NAV3: variants seen among roughly 807,000 people sequenced by gnomAD.
The protein encoded by NAV3 is pore membrane and/or filament interacting like protein 1.
NAV3 carries 87 observed loss-of-function variants against 244.7 expected under a neutral mutation model. The ratio of observed to expected loss-of-function variants is 0.36; its 90% CI spans 0.30 to 0.42. The LOEUF (loss-of-function observed/expected upper bound fraction) is 0.42. NAV3 is among the 20% of genes least tolerant of loss of function. The pLI is 1.00. For synonymous variants in NAV3, 1,126 were observed against 1,042.2 expected (o/e 1.08, Z -1.55); for missense variants, 2,663 against 2,893.3 (o/e 0.92, Z 1.83).
intron 9 of NAV3, among the ~76,000 whole-genome samples, chr12:78,023,286 T>C (rs1877466479): frequency 6.6e-6 from 1 of 152,182 alleles, no homozygotes; most frequent in South Asian, 2.1e-4. Flanking sequence ...TTGAATAGTC[T>C]GTATTTGATG....
rs191143601 is a variant in NAV3, at chr12:77,615,106, G to T, written c.72+42840G>T. Among the ~76,000 whole-genome samples, 318 of 152,114 alleles carry T rather than the reference G, an allele frequency of 2.1e-3. 1 individual carries two copies. Among genetic ancestry groups the T allele is most frequent in the African/African-American group, 7.3e-3 (303 of 41,502 alleles). ...ATAGGAGCAAGTAAATATTTCTTGG[G>T]TTTTTTGAAATATTTTAAAATGCAA... On this transcript the variant is annotated intron_variant, in intron 2 of 8. Coordinates refer to the NAV3 transcript ENST00000550042.
chr12:77,846,756 G>A lies in NAV3; in HGVS notation c.243+15052G>A, dbSNP rs1406127286. 3.9e-4 allele frequency among the ~76,000 whole-genome samples: 59 copies of A among 152,116 alleles called. 1 individual carries two copies. The highest frequency in any genetic ancestry group is 3.9e-3 in the Admixed American group (59 of 15,266). On this transcript the variant is annotated intron_variant, in intron 1 of 39. Transcript: ENST00000397909. ...AATGGGAAATGTCCTTTCTTTAACA[G>A]GAATTTTTCAAATTAGAAGTAGCTT...
At position 78,200,457 on chromosome 12, in the gene NAV3, AT is replaced by A. The variant is rs772295912; in HGVS notation, c.6716-13del. The stretch of plus-strand genomic sequence containing the variant: ...AATATAACTCTTAAAATATTTTGTT[AT>A]TTATTTCTTATCAGGTCCCCGACTA... On this transcript the variant is annotated splice_polypyrimidine_tract_variant and intron_variant, in intron 37 of 39. Transcript: ENST00000397909. The A allele has an allele frequency of 1.4e-6, 2 of 1,439,806 alleles. No homozygotes were observed. Among genetic ancestry groups the A allele is most frequent in the African/African-American group, 2.9e-5 (2 of 70,088 alleles). 89.2% of individuals were successfully genotyped at this position (1,439,806 alleles called of 1,614,324 possible). A position where few individuals can be genotyped will look rare whatever the true frequency, so the allele number is the denominator to read the frequency against.
intron 8 of NAV3, among the ~76,000 whole-genome samples, chr12:78,020,218 AAC>A (rs968457020): frequency 8.6e-4 from 131 of 152,270 alleles, no homozygotes; most frequent in African/African-American, 2.9e-3. Flanking sequence ...GAAAATGGGA[AAC>A]ACACTGGAGA....
chr12:78,104,479 C>A (rs146823337), intron 12 of NAV3, among the ~76,000 whole-genome samples: 3 of 152,250 alleles, frequency 2.0e-5, no homozygotes, highest in African/African-American at 7.2e-5. Flanking sequence ...TTCAAACAAG[C>A]CTGCCTCTAA....
chr12:77,642,638 G>T (rs1052660650), intron 2 of NAV3, among the ~76,000 whole-genome samples: 3 of 152,046 alleles, frequency 2.0e-5, no homozygotes, highest in Non-Finnish European at 2.9e-5. Context: ...CTGGAAATGG[G>T]TTCCTTGGTT....
At chr12:77,709,940 A>T (rs1010780239) in intron 2 of NAV3, among the ~76,000 whole-genome samples, 2 of 152,210 alleles carry the variant, frequency 1.3e-5, no homozygotes, top group African/African-American at 2.4e-5. Context: ...ACCCAGTTAT[A>T]CAACATGAAC....
At chr12:78,102,759 C>T (rs143438154) in intron 12 of NAV3, among the ~76,000 whole-genome samples, 21 of 152,324 alleles carry the variant, frequency 1.4e-4, no homozygotes, top group East Asian at 1.4e-3. Flanking sequence ...CTCTCTACCA[C>T]GTGGAAGCTG....
At chr12:78,127,630 C>A (rs1955974455) in intron 17 of NAV3, among the ~76,000 whole-genome samples, 1 of 152,120 alleles carries the variant, frequency 6.6e-6, no homozygotes, top group Non-Finnish European at 1.5e-5. Context: ...TGCAAATATT[C>A]AAAACCCATG....
At chr12:77,579,310 C>CA (rs553199442) in intron 2 of NAV3, among the ~76,000 whole-genome samples, 20 of 152,170 alleles carry the variant, frequency 1.3e-4, no homozygotes, top group Non-Finnish European at 1.8e-4. Context: ...CACAAATGAG[C>CA]AATACATTGA....
intron 2 of NAV3, among the ~76,000 whole-genome samples, chr12:77,583,556 G>A (rs924270637): frequency 1.3e-5 from 2 of 151,996 alleles, no homozygotes; most frequent in South Asian, 4.2e-4. Context: ...GTTGTTTTGG[G>A]GGAAAACTAC....
intron 28 of NAV3, 76 bp from the exon 29 acceptor site, chr12:78,179,453 G>A (rs1958406311): frequency 6.4e-7 from 1 of 1,561,722 alleles, no homozygotes; most frequent in African/African-American, 1.4e-5. Flanking sequence ...TTGCAGTGCA[G>A]CCTTTAAAAG....
At chr12:77,882,807 C>CA (rs1193093742) in intron 1 of NAV3, among the ~76,000 whole-genome samples, 1 of 152,118 alleles carries the variant, frequency 6.6e-6, no homozygotes, top group African/African-American at 2.4e-5. Flanking sequence ...GACATACACT[C>CA]AACCAATGAA....
chr12:77,988,357 T>C (rs960445394), intron 5 of NAV3, among the ~76,000 whole-genome samples: 29 of 152,314 alleles, frequency 1.9e-4, no homozygotes, highest in Admixed American at 3.9e-4. Context: ...CTTTCTTTCC[T>C]TACAATAAAT....
intron 1 of NAV3, among the ~76,000 whole-genome samples, chr12:77,938,765 C>G (rs951238218): frequency 6.6e-6 from 1 of 151,932 alleles, no homozygotes; most frequent in African/African-American, 2.4e-5. Flanking sequence ...TTAAACAAGT[C>G]AAATATCTAT....
rs777936115 is a variant in NAV3, at chr12:78,141,980, A to AAAAG, written c.4683+1662_4683+1665dup. 6.6e-5 allele frequency among the ~76,000 whole-genome samples: 10 copies of AAAAG among 152,246 alleles called. No individual in the cohort carries two copies. In the South Asian group the frequency reaches 1.5e-3, roughly 22 times the overall value. ...ATGAAACCTAAGAAAAACTAAATTAAAAAGAAAGAAAGAAAGAAAAATACA... is the reference window on the plus strand; with the variant it reads ...ATGAAACCTAAGAAAAACTAAATTAAAAAGAAAGAAAGAAAGAAAGAAAAATACA... On this transcript the variant is annotated intron_variant, in intron 20 of 39. Transcript: ENST00000397909.
chr12:77,768,572 G>T (rs982271978), intron 2 of NAV3, among the ~76,000 whole-genome samples: 1 of 152,244 alleles, frequency 6.6e-6, no homozygotes, highest in African/African-American at 2.4e-5. Flanking sequence ...CAGCACCTGG[G>T]CTTGGCCTCA....
chr12:77,773,899 C>G (rs1870223739), intron 2 of NAV3, among the ~76,000 whole-genome samples: 3 of 152,156 alleles, frequency 2.0e-5, no homozygotes, highest in Non-Finnish European at 4.4e-5. Flanking sequence ...TCATAGGCTA[C>G]CCTTCTGTAT....
At chr12:77,722,443 A>G (rs986481260) in intron 2 of NAV3, among the ~76,000 whole-genome samples, 7 of 152,060 alleles carry the variant, frequency 4.6e-5, no homozygotes, top group Non-Finnish European at 1.0e-4. Context: ...CAGCTTTTTG[A>G]TACTTAAGCC....
Sources: allele counts gnomAD v4.1 joint callset (sites outside exome capture counted in the v4.1 genomes callset), GRCh38; gene constraint gnomAD v4.1.1; transcripts MANE v1.5; gene names NCBI Gene and HGNC (gene_info 2026-07-23, HGNC 2026-07-21).